The following NSD2 variants were observed in gnomAD, a reference collection of about 807,000 sequenced individuals.
The protein encoded by NSD2 is nuclear receptor binding SET domain protein 2.
In NSD2, 12 loss-of-function variants were observed where a neutral mutation model predicts 139.0. That is an observed-to-expected ratio of 0.09 (90% CI 0.06 to 0.14). The LOEUF (loss-of-function observed/expected upper bound fraction) is 0.14. Among genes scored for constraint, NSD2 ranks in the 10% least tolerant of loss-of-function variants. The probability of loss-of-function intolerance (pLI) is 1.00; values close to 1 mark genes in which losing one functional copy is unlikely to be tolerated. For synonymous variants in NSD2, 669 were observed against 648.7 expected (o/e 1.03, Z -0.48); for missense variants, 1,155 against 1,745.0 (o/e 0.66, Z 6.02).
chr4:1,952,264 T>C lies in NSD2; in HGVS notation c.2137+33T>C, dbSNP rs1441262285. On this transcript the variant is annotated intron_variant, in intron 11 of 21. Coordinates refer to ENST00000508803, the MANE Select transcript of NSD2 (RefSeq NM_001042424.3). ...CCCACGGGCGGGCAGCTCTGCAGCC[T>C]GGCCGGCCACCTGCTCCTGCAACCC... 1.9e-6 allele frequency: 3 copies of C among 1,610,554 alleles called. No individual in the cohort carries two copies. The African/African-American group carries it at 4.0e-5, about 22-fold the overall frequency.
intron 7 of NSD2, 123 bp downstream of exon 7, chr4:1,935,385 G>A (rs896988177): frequency 4.3e-6 from 3 of 705,042 alleles, no homozygotes; most frequent in Non-Finnish European, 7.2e-6. Context: ...CTCCTTCCAG[G>A]CTGGTATTCA....
At position 1,942,596 on chromosome 4, in the gene NSD2, G is replaced by C. The variant is rs887323806; in HGVS notation, c.1881+2818G>C. 3.8e-6 allele frequency: 5 copies of C among 1,313,188 alleles called. No individual in the cohort carries two copies. The highest frequency in any genetic ancestry group is 3.9e-6 in the Non-Finnish European group (4 of 1,029,562). 81.3% of individuals were successfully genotyped at this position (1,313,188 alleles called of 1,614,324 possible). ...ATAACTAATCAAGGCCATTTAATCC[G>C]TCACATTCATCTCATAATAGAAACA... On this transcript the variant is annotated intron_variant, in intron 9 of 21. Transcript: ENST00000508803. This position sits in a 1 kb window ranked among gnomAD's most constrained non-coding sequence, Gnocchi z 4.0.
chr4:1,898,937 C>T (rs1457850245), intron 1 of NSD2, among the ~76,000 whole-genome samples: 2 of 152,108 alleles, frequency 1.3e-5, no homozygotes, highest in Non-Finnish European at 2.9e-5. Context: ...CAGTTGGTTC[C>T]GTCCATTTTC....
At chr4:1,912,194 G>T in intron 3 of NSD2, 2 of 285,064 alleles carry the variant, frequency 7.0e-6, no homozygotes, top group East Asian at 1.2e-4. Flanking sequence ...CCTCCCCAGA[G>T]GTAATTATTT....
intron 1 of NSD2, among the ~76,000 whole-genome samples, chr4:1,876,405 T>G (rs1240704158): frequency 6.6e-6 from 1 of 152,032 alleles, no homozygotes; most frequent in Non-Finnish European, 1.5e-5. Flanking sequence ...AAAACTCCAG[T>G]AGTGGATAGG....
chr4:1,982,088 TAGAG>T lies in NSD2; in HGVS notation c.*3182_*3185del, dbSNP rs556727115. On this transcript the variant is annotated 3_prime_UTR_variant, in exon 22 of 22. Transcript: ENST00000508803. ...TTTTGGGGGGAGGGATATACTGAAA[TAGAG>T]AGTTGAGACTTGCCAGTTGGGGGAA... 3 of 396,792 alleles carry T rather than the reference TAGAG, an allele frequency of 7.6e-6. No homozygotes were observed. The highest frequency in any genetic ancestry group is 3.6e-5 in the East Asian group (1 of 28,026). 24.6% of individuals were successfully genotyped at this position (396,792 alleles called of 1,614,324 possible). A position where few individuals can be genotyped will look rare whatever the true frequency, so the allele number is the denominator to read the frequency against.
chr4:1,874,133 C>G (rs1322281685), intron 1 of NSD2, among the ~76,000 whole-genome samples: 2 of 152,248 alleles, frequency 1.3e-5, no homozygotes, highest in African/African-American at 2.4e-5. Context: ...ATATTCTGAT[C>G]TACGTGTTTG....
intron 9 of NSD2, chr4:1,947,435 G>C (rs1436345045): frequency 9.4e-7 from 1 of 1,059,332 alleles, no homozygotes; most frequent in African/African-American, 1.6e-5. Flanking sequence ...GACTTCCTCT[G>C]TTCTCAGAGA....
intron 18 of NSD2, among the ~76,000 whole-genome samples, chr4:1,969,648 C>T (rs1392592827): frequency 6.6e-6 from 1 of 151,940 alleles, no homozygotes; most frequent in Non-Finnish European, 1.5e-5. Flanking sequence ...CCAAGGCGCG[C>T]AGTAAGCCAA....
chr4:1,887,014 T>A (rs1421867468), intron 1 of NSD2, among the ~76,000 whole-genome samples: 1 of 152,232 alleles, frequency 6.6e-6, no homozygotes, highest in African/African-American at 2.4e-5. Context: ...TTTGATGATC[T>A]ATTCCAGAAC....
chr4:1,885,989 A>C (rs1302755570), intron 1 of NSD2, among the ~76,000 whole-genome samples: 1 of 152,224 alleles, frequency 6.6e-6, no homozygotes, highest in Non-Finnish European at 1.5e-5. Flanking sequence ...TTTATGAATA[A>C]TTTGTAGAAT....
chr4:1,915,493 G>T (rs553488310), intron 3 of NSD2, among the ~76,000 whole-genome samples: 1 of 152,026 alleles, frequency 6.6e-6, no homozygotes, highest in South Asian at 2.1e-4. Context: ...TAGCACACAG[G>T]GTTTCTCTGT....
intron 18 of NSD2, among the ~76,000 whole-genome samples, chr4:1,966,043 C>A (rs1311952319): frequency 1.4e-5 from 2 of 142,000 alleles, no homozygotes; most frequent in Admixed American, 6.7e-5. Context: ...AGGCAGTGGG[C>A]CAATGCTAAA....
rs1719677574 is a variant in NSD2, at chr4:1,918,311, T to C, written c.1098T>C (p.Ala366=). 6.2e-7 allele frequency: 1 copy of C among 1,614,076 alleles called. No homozygotes were observed. The highest frequency in any genetic ancestry group is 8.5e-7 in the Non-Finnish European group (1 of 1,180,036). The change falls in exon 5 of 22, where the codon GCT becomes GCC. Residue 366 remains alanine, a synonymous_variant. Transcript: ENST00000508803. ...AAGTAGCCAAGGAGGCTGGCATTGC[T>C]GCAGAGTCTTTGGGAGAAATGGCAG... The part of the protein sequence containing the change: ...NPQVAKEAGI[A]AESLGEMAES...
intron 16 of NSD2, 71 bp from the exon 17 acceptor site, chr4:1,959,400 A>G (rs1434699512): frequency 7.1e-6 from 11 of 1,555,274 alleles, no homozygotes; most frequent in African/African-American, 4.1e-5. Context: ...AAGGAGAGGC[A>G]GTGGTGGGTG....
chr4:1,975,031 G>A lies in NSD2; in HGVS notation c.3514+27G>A, dbSNP rs370152008. On this transcript the variant is annotated intron_variant, in intron 19 of 21. Transcript: ENST00000508803. Reference sequence around the variant, plus strand: ...TACAAGCTCTGGGGACCCTGCATGGGGCTCCTGGCTATGGGGGCAGAGTGG... The same window carrying A: ...TACAAGCTCTGGGGACCCTGCATGGAGCTCCTGGCTATGGGGGCAGAGTGG... 5 of 1,613,528 alleles carry A rather than the reference G, an allele frequency of 3.1e-6. No homozygotes were observed. In the African/African-American group the frequency reaches 4.0e-5, roughly 13 times the overall value.
chr4:1,889,523 C>T (rs1333500259), intron 1 of NSD2, among the ~76,000 whole-genome samples: 53 of 148,144 alleles, frequency 3.6e-4, no homozygotes, highest in Admixed American at 4.1e-4. Flanking sequence ...TTTTTTGAGT[C>T]GGAGTTTTGC....
rs191967820 is a variant in NSD2, at chr4:1,915,783, C to T, written c.761-1088C>T. 7.2e-5 allele frequency among the ~76,000 whole-genome samples: 11 copies of T among 152,256 alleles called. No individual in the cohort carries two copies. The East Asian group carries it at 1.7e-3, about 24-fold the overall frequency. On this transcript the variant is annotated intron_variant, in intron 3 of 21. Coordinates refer to ENST00000508803, the MANE Select transcript of NSD2 (RefSeq NM_001042424.3). ...CTGGAGAGGTTTTTCCTCTGGAGCA[C>T]TTCAGGTCTTCAGGAAATATCCTTT...
chr4:1,943,711 T>A (rs1723333892), intron 9 of NSD2: 1 of 1,051,714 alleles, frequency 9.5e-7, no homozygotes, highest in South Asian at 4.6e-5. Flanking sequence ...AGCTCAAGAG[T>A]AAAATTAAAA....
Sources: gnomAD v4.1 joint callset for allele counts (sites outside exome capture counted in the v4.1 genomes callset) on GRCh38, gnomAD v4.1.1 for gene constraint, Gnocchi (gnomAD v3.1) non-coding constraint, MANE v1.5 for transcripts, NCBI Gene and HGNC (gene_info 2026-07-23, HGNC 2026-07-21) for gene names.